Variants in SUMF1 observed in about 807,000 individuals in gnomAD.
SUMF1 encodes sulfatase modifying factor 1, also known as formylglycine-generating enzyme.
In SUMF1, 48 loss-of-function variants were observed where a neutral mutation model predicts 47.6. That is an observed-to-expected ratio of 1.01 (90% CI 0.80 to 1.28). The LOEUF (loss-of-function observed/expected upper bound fraction) is 1.28. SUMF1 is among the 50% of genes most tolerant of loss of function. SUMF1 has a pLI of 0.00. For synonymous variants in SUMF1, 230 were observed against 192.1 expected (o/e 1.20, Z -1.63); for missense variants, 571 against 485.4 (o/e 1.18, Z -1.66).
At chr3:4,458,358 T>C (rs2079720852) in intron 1 of SUMF1, among the ~76,000 whole-genome samples, 1 of 152,188 alleles carries the variant, frequency 6.6e-6, no homozygotes, top group African/African-American at 2.4e-5. Flanking sequence ...TACCATATGA[T>C]CCAGCTATCC....
At chr3:4,241,396 C>G (rs999874886) in intron 8 of SUMF1, among the ~76,000 whole-genome samples, 47 of 152,182 alleles carry the variant, frequency 3.1e-4, no homozygotes, top group Admixed American at 2.7e-3. Flanking sequence ...TGGGATAGGT[C>G]CTGGATTGAA....
intron 8 of SUMF1, among the ~76,000 whole-genome samples, chr3:4,215,438 A>T (rs1362102326): frequency 6.6e-6 from 1 of 152,230 alleles, no homozygotes; most frequent in Non-Finnish European, 1.5e-5. Flanking sequence ...AGCCAATATC[A>T]TACTGAATGG....
chr3:4,048,331 G>A (rs1394932330), intron 9 of SUMF1, among the ~76,000 whole-genome samples: 1 of 152,062 alleles, frequency 6.6e-6, no homozygotes, highest in Non-Finnish European at 1.5e-5. Context: ...TGCAGGCACT[G>A]CCACAGTCAA....
At chr3:4,132,708 C>T (rs140338335) in intron 8 of SUMF1, among the ~76,000 whole-genome samples, 1,955 of 152,196 alleles carry the variant, frequency 0.013, 54 homozygotes, top group African/African-American at 0.045. Flanking sequence ...GCCACCTGGA[C>T]ACTTTGGGCT....
intron 8 of SUMF1, among the ~76,000 whole-genome samples, chr3:4,245,230 C>T (rs1416665382): frequency 6.6e-6 from 1 of 152,090 alleles, no homozygotes; most frequent in Non-Finnish European, 1.5e-5. Flanking sequence ...CTTTCTGAAG[C>T]CTACTTCTGT....
chr3:4,134,274 G>A (rs937194988), intron 8 of SUMF1, among the ~76,000 whole-genome samples: 8 of 152,054 alleles, frequency 5.3e-5, no homozygotes, highest in African/African-American at 1.9e-4. Flanking sequence ...CTCTCTCTCA[G>A]ACCACAGTGC....
chr3:4,118,226 A>G (rs961063497), intron 8 of SUMF1, among the ~76,000 whole-genome samples: 16 of 152,080 alleles, frequency 1.1e-4, no homozygotes, highest in African/African-American at 3.6e-4. Flanking sequence ...ATTTACAGAG[A>G]GAAGAGAAGA....
intron 8 of SUMF1, among the ~76,000 whole-genome samples, chr3:4,292,733 C>T (rs752493691): frequency 3.2e-4 from 49 of 152,270 alleles, no homozygotes; most frequent in Admixed American, 7.9e-4. Context: ...GCAACAAATA[C>T]CTACAAAATC....
rs530779136 is a variant in SUMF1 at position 4,375,820 on chromosome 3, TA to T, written c.1014+509del. 3.2e-4 allele frequency among the ~76,000 whole-genome samples: 48 copies of T among 152,282 alleles called. No homozygotes were observed. In the South Asian group the frequency reaches 9.3e-3, roughly 30 times the overall value. ...TGATGAAGAAAGCCAGCTCAGACAC[TA>T]AAATCATAGCCCAAAGAGAAGAAAC... is the stretch of plus-strand genomic sequence containing the variant. On this transcript the variant is annotated intron_variant, in intron 8 of 8. Coordinates refer to ENST00000272902, the MANE Select transcript of SUMF1 (RefSeq NM_182760.4).
At chr3:4,095,100 T>C (rs1239716535) in intron 8 of SUMF1, among the ~76,000 whole-genome samples, 4 of 152,290 alleles carry the variant, frequency 2.6e-5, no homozygotes, top group East Asian at 3.9e-4. Context: ...TACAGTGTAA[T>C]ATTTATACAG....
intron 8 of SUMF1, among the ~76,000 whole-genome samples, chr3:4,109,561 C>G (rs1693243348): frequency 6.6e-6 from 1 of 152,128 alleles, no homozygotes; most frequent in Non-Finnish European, 1.5e-5. Context: ...TTCAGGTACA[C>G]CAATCAGACG....
chr3:4,133,692 T>C (rs1052245552), intron 8 of SUMF1, among the ~76,000 whole-genome samples: 3 of 152,116 alleles, frequency 2.0e-5, no homozygotes, highest in Non-Finnish European at 4.4e-5. Flanking sequence ...AACATCGGAC[T>C]CCAATTTCTT....
intron 8 of SUMF1, among the ~76,000 whole-genome samples, chr3:4,292,988 T>C (rs1453600683): frequency 1.3e-5 from 2 of 152,192 alleles, no homozygotes; most frequent in Non-Finnish European, 2.9e-5. Context: ...TGAAATTTAA[T>C]CTTCCAGAGC....
chr3:4,236,457 A>T (rs960151199), intron 8 of SUMF1, among the ~76,000 whole-genome samples: 9 of 152,144 alleles, frequency 5.9e-5, no homozygotes, highest in Admixed American at 1.3e-4. Flanking sequence ...ATACATTTTT[A>T]AAAAAATAGA....
At chr3:4,401,113 C>T (rs1159840037) in intron 7 of SUMF1, among the ~76,000 whole-genome samples, 2 of 152,024 alleles carry the variant, frequency 1.3e-5, no homozygotes, top group Non-Finnish European at 2.9e-5. Flanking sequence ...TGGTTTCCAG[C>T]TTCATCCATG....
intron 8 of SUMF1, among the ~76,000 whole-genome samples, chr3:4,375,311 C>T (rs698215): frequency 0.69 from 104,873 of 151,862 alleles, 37,246 homozygotes; most frequent in African/African-American, 0.86. Flanking sequence ...CACATATATA[C>T]ATAAAATCTA....
chr3:4,078,953 G>A (rs1261502316), intron 8 of SUMF1, among the ~76,000 whole-genome samples: 3 of 152,034 alleles, frequency 2.0e-5, no homozygotes, highest in Non-Finnish European at 4.4e-5. Flanking sequence ...TGCAGAAGGT[G>A]TCCATCACAG....
intron 8 of SUMF1, among the ~76,000 whole-genome samples, chr3:4,113,033 T>A (rs1693345656): frequency 6.6e-6 from 1 of 152,100 alleles, no homozygotes; most frequent in African/African-American, 2.4e-5. Context: ...ATTGAGAAAA[T>A]ACATTTGGTA....
intron 1 of SUMF1, among the ~76,000 whole-genome samples, chr3:4,465,145 A>G (rs1018063650): frequency 6.6e-6 from 1 of 152,242 alleles, no homozygotes; most frequent in African/African-American, 2.4e-5. Context: ...GCCCTATTAA[A>G]AAATAGATAA....
Sources: allele counts gnomAD v4.1 joint callset (sites outside exome capture counted in the v4.1 genomes callset), GRCh38; gene constraint gnomAD v4.1.1; transcripts MANE v1.5; gene names NCBI Gene and HGNC (gene_info 2026-07-23, HGNC 2026-07-21).